The following SPECC1L variants were observed in gnomAD, a reference collection of about 807,000 sequenced individuals.
SPECC1L encodes cytospin-A.
In SPECC1L, 40 loss-of-function variants were observed where a neutral mutation model predicts 116.8. That is an observed-to-expected ratio of 0.34 (90% CI 0.27 to 0.45). SPECC1L has a LOEUF of 0.45. SPECC1L is among the 20% of genes least tolerant of loss of function. The pLI, the probability that SPECC1L is intolerant of heterozygous loss-of-function variation, is 1.00. For synonymous variants in SPECC1L, 504 were observed against 500.6 expected, an observed-to-expected ratio of 1.01 and a Z score of -0.09; for missense variants, 1,110 against 1,373.6, an observed-to-expected ratio of 0.81 and a Z score of 3.03.
chr22:24,356,520 A>AT (rs965716887), intron 11 of SPECC1L, among the ~76,000 whole-genome samples: 3 of 151,896 alleles, frequency 2.0e-5, no homozygotes, highest in African/African-American at 7.3e-5. Context: ...TGCATGGTAT[A>AT]TTTTTTTCCA....
chr22:24,411,955 T>C (rs2146821786), intron 15 of SPECC1L, among the ~76,000 whole-genome samples: 1 of 152,380 alleles, frequency 6.6e-6, no homozygotes, highest in Non-Finnish European at 1.5e-5. Context: ...CAGTCCTTCC[T>C]GAGTGACTAC....
chr22:24,349,642 C>G lies in SPECC1L; in HGVS notation c.2743+2466C>G, dbSNP rs544889819. Among the ~76,000 whole-genome samples, 5 of 152,302 alleles carry G rather than the reference C, an allele frequency of 3.3e-5. No homozygotes were observed. The South Asian group carries it at 1.0e-3, about 32-fold the overall frequency. ...TTGTTCTACATGTAATCTGCCTTCT[C>G]CATCTCCATTCATGGCAGTTTCATC... On this transcript the variant is annotated intron_variant, in intron 11 of 16. Coordinates refer to ENST00000314328, the MANE Select transcript of SPECC1L (RefSeq NM_015330.6).
rs531632375 is a variant in SPECC1L at position 24,354,670 on chromosome 22, C to CT, written c.2743+7509dup. On this transcript the variant is annotated intron_variant, in intron 11 of 16. Coordinates refer to ENST00000314328, the MANE Select transcript of SPECC1L (RefSeq NM_015330.6). ...ATTTCTTTAAGGAGTTCTGGTTACT[C>CT]TTTTTTTTTTTTTTTGAGACAGAGT... Among the ~76,000 whole-genome samples, 505 of 139,862 alleles carry CT rather than the reference C, an allele frequency of 3.6e-3. 1 individual carries two copies. The highest frequency in any genetic ancestry group is 8.6e-3 in the East Asian group (41 of 4,766). The allele number at this position is 139,862 out of a possible 152,430, so 91.8% of individuals were successfully genotyped here. A position where few individuals can be genotyped will look rare whatever the true frequency, so the allele number is the denominator to read the frequency against.
At chr22:24,323,113 C>A in intron 5 of SPECC1L, 195 bp downstream of exon 5, 1 of 982,532 alleles carries the variant, frequency 1.0e-6, no homozygotes, top group Non-Finnish European at 1.2e-6. Context: ...ATGTCACTTT[C>A]TCTCACTTGT....
intron 14 of SPECC1L, among the ~76,000 whole-genome samples, chr22:24,394,625 A>G (rs2042332933): frequency 6.6e-6 from 1 of 152,296 alleles, no homozygotes; most frequent in East Asian, 1.9e-4. Flanking sequence ...TGTCTTCCAG[A>G]CTGGCTCTAC....
chr22:24,287,710 C>T (rs992892708), intron 2 of SPECC1L, among the ~76,000 whole-genome samples: 21 of 152,204 alleles, frequency 1.4e-4, no homozygotes, highest in South Asian at 1.2e-3. Context: ...CCATTTGCTT[C>T]GGGATCACCT....
At chr22:24,345,726 T>A (rs957313797) in intron 10 of SPECC1L, among the ~76,000 whole-genome samples, 4 of 152,186 alleles carry the variant, frequency 2.6e-5, no homozygotes, top group African/African-American at 7.2e-5. Context: ...TCTATATTCT[T>A]CCAAATGGCC....
intron 7 of SPECC1L, among the ~76,000 whole-genome samples, chr22:24,329,329 C>T (rs965224806): frequency 2.0e-5 from 3 of 152,158 alleles, no homozygotes; most frequent in Admixed American, 6.5e-5. Flanking sequence ...AAGTGATACT[C>T]GACCTGTAGA....
chr22:24,293,615 GT>G (rs1329331413), intron 2 of SPECC1L, among the ~76,000 whole-genome samples: 4 of 151,852 alleles, frequency 2.6e-5, no homozygotes, highest in African/African-American at 9.7e-5. Flanking sequence ...GAGCAGCTCA[GT>G]TTCTAGATCG....
rs772144957 is a variant in SPECC1L at position 24,302,408 on chromosome 22, A to G, written c.153+24A>G. Reference sequence around the variant, plus strand: ...AGGTATTCATGTGATGTTTGAATACATGATGGGTTTTTGGAGGACTGAATT... The same window carrying G: ...AGGTATTCATGTGATGTTTGAATACGTGATGGGTTTTTGGAGGACTGAATT... On this transcript the variant is annotated intron_variant, in intron 3 of 16. Coordinates refer to ENST00000314328, the MANE Select transcript of SPECC1L (RefSeq NM_015330.6). 6.8e-6 allele frequency: 11 copies of G among 1,613,452 alleles called. No individual in the cohort carries two copies. The Admixed American group carries it at 1.5e-4, about 22-fold the overall frequency.
chr22:24,305,985 C>T (rs971337398), intron 3 of SPECC1L, among the ~76,000 whole-genome samples: 4 of 151,368 alleles, frequency 2.6e-5, no homozygotes, highest in Non-Finnish European at 4.4e-5. Flanking sequence ...GCAATGGCGC[C>T]ATCTCCGCCT....
chr22:24,280,597 T>TC lies in SPECC1L; in HGVS notation c.-38+3794_-38+3795insC, dbSNP rs971266679. On this transcript the variant is annotated intron_variant, in intron 2 of 16. Transcript: ENST00000314328. ...ATAACATTTTTTTTTTTTTTTTTTT[T>TC]GAGACAGTGTCACTCTGTTGCTCAG... Among the ~76,000 whole-genome samples the TC allele has an allele frequency of 6.0e-3, 904 of 150,728 alleles. 8 individuals carry two copies. Among genetic ancestry groups the TC allele is most frequent in the African/African-American group, 0.021 (841 of 40,912 alleles).
intron 13 of SPECC1L, 56 bp from the exon 14 acceptor site, chr22:24,369,162 C>T (rs763037616): frequency 1.0e-5 from 13 of 1,261,952 alleles, no homozygotes; most frequent in Non-Finnish European, 1.5e-5. Flanking sequence ...TAATACTTTT[C>T]TCTTATTCTG....
chr22:24,328,786 G>C lies in SPECC1L; in HGVS notation c.2147-60G>C, dbSNP rs544656647. ...TCATATTTAAGTATCCCTTTTCTTT[G>C]TATTATTACTCTGAAGATTGTTGTG... On this transcript the variant is annotated intron_variant, in intron 6 of 16. Coordinates refer to ENST00000314328, the MANE Select transcript of SPECC1L (RefSeq NM_015330.6). 8.2e-6 allele frequency: 11 copies of C among 1,339,902 alleles called. No individual in the cohort carries two copies. In the African/African-American group the frequency reaches 1.2e-4, roughly 14 times the overall value. The allele number at this position is 1,339,902 out of a possible 1,614,324, so 83.0% of individuals were successfully genotyped here.
chr22:24,315,701 G>A (rs1056353020), intron 4 of SPECC1L, among the ~76,000 whole-genome samples: 1 of 152,204 alleles, frequency 6.6e-6, no homozygotes, highest in African/African-American at 2.4e-5. Flanking sequence ...CCCCAGTATG[G>A]CTTTGTACGT....
intron 8 of SPECC1L, among the ~76,000 whole-genome samples, chr22:24,330,668 T>G (rs144972925): frequency 4.2e-4 from 64 of 152,312 alleles, no homozygotes; most frequent in African/African-American, 1.4e-3. Flanking sequence ...GGAGCCAGGA[T>G]GGTCTCTCAC....
At chr22:24,307,343 G>C (rs2049520587) in intron 3 of SPECC1L, among the ~76,000 whole-genome samples, 4 of 152,178 alleles carry the variant, frequency 2.6e-5, no homozygotes. Flanking sequence ...TCTATTGGGT[G>C]TGAGAGGGTA....
intron 14 of SPECC1L, among the ~76,000 whole-genome samples, chr22:24,402,209 G>A (rs1286924078): frequency 6.8e-6 from 1 of 147,618 alleles, no homozygotes; most frequent in Non-Finnish European, 1.5e-5. Context: ...GCTTCAGGGA[G>A]GAGATAAGCA....
At chr22:24,407,129 G>A (rs1329136804) in intron 14 of SPECC1L, among the ~76,000 whole-genome samples, 1 of 152,180 alleles carries the variant, frequency 6.6e-6, no homozygotes, top group Admixed American at 6.5e-5. Flanking sequence ...AGTCTGGCCT[G>A]GCTGCTCTCC....
Sources: gnomAD v4.1 joint callset for allele counts (sites outside exome capture counted in the v4.1 genomes callset) on GRCh38, gnomAD v4.1.1 for gene constraint, MANE v1.5 for transcripts, NCBI Gene and HGNC (gene_info 2026-07-23, HGNC 2026-07-21) for gene names.